Variants in CFAP46 observed in about 807,000 individuals in gnomAD.
CFAP46 encodes cilia- and flagella-associated protein 46.
CFAP46 carries 245 observed loss-of-function variants against 325.7 expected under a neutral mutation model. The ratio of observed to expected loss-of-function variants is 0.75; its 90% CI spans 0.68 to 0.84. The LOEUF (loss-of-function observed/expected upper bound fraction) is 0.84, where lower values mean the gene tolerates loss of function less well. Ranked by LOEUF, CFAP46 falls within the 40% of genes least tolerant of loss-of-function variation. The pLI is 0.00. For synonymous variants in CFAP46, 1,523 were observed against 1,495.9 expected (o/e 1.02, Z -0.42); for missense variants, 3,346 against 3,543.0 (o/e 0.94, Z 1.41).
At chr10:132,892,593 T>G (rs1564792335) in intron 24 of CFAP46, among the ~76,000 whole-genome samples, 176 bp from the exon 25 acceptor site, 2 of 152,224 alleles carry the variant, frequency 1.3e-5, no homozygotes, top group Admixed American at 6.5e-5. Flanking sequence ...TGCCAAATTC[T>G]AAAGCTTAAC....
rs771369070 is a variant in CFAP46, at chr10:132,833,419, G to A, written c.7056C>T (p.Ser2352=). The A allele has an allele frequency of 1.1e-5, 18 of 1,614,160 alleles. No individual in the cohort carries two copies. In the South Asian group the frequency reaches 2.0e-4, roughly 18 times the overall value. The change falls in exon 50 of 58, where the codon TCC becomes TCT. Residue 2352 remains serine (S), a synonymous_variant. Coordinates refer to ENST00000368586, the MANE Select transcript of CFAP46 (RefSeq NM_001200049.3). ...GLSVFDEGTI[S]SVSREFSLQM... ...GAAGAGAAAATTCTCGTGACACAGA[G>A]GAAATTGTCCCTTCATCGAACACAG...
rs1848175292 is a variant in CFAP46, at chr10:132,832,913, A to G, written c.7117+445T>C. 1 of 448,520 alleles carries G rather than the reference A, an allele frequency of 2.2e-6. No individual in the cohort carries two copies. The highest frequency in any genetic ancestry group is 3.3e-4 in the Middle Eastern group (1 of 3,000). The allele number at this position is 448,520 out of a possible 1,614,324, so 27.8% of individuals were successfully genotyped here. ...TTAAGTTTGTCTTCCCTGTGTGTTT[A>G]GCACCAGGATACTGGCACATAGCAG... On this transcript the variant is annotated intron_variant, in intron 50 of 57. Coordinates refer to ENST00000368586, the MANE Select transcript of CFAP46 (RefSeq NM_001200049.3). This position sits in a 1 kb window ranked among gnomAD's most constrained non-coding sequence, Gnocchi z 4.1.
intron 39 of CFAP46, among the ~76,000 whole-genome samples, chr10:132,855,695 AT>A (rs572978087): frequency 2.6e-5 from 4 of 152,156 alleles, no homozygotes; most frequent in Admixed American, 2.6e-4. Flanking sequence ...GTATTCTGGT[AT>A]TTCTGTGGCT....
At chr10:132,856,914 G>A (rs1215794728) in intron 39 of CFAP46, among the ~76,000 whole-genome samples, 1 of 152,216 alleles carries the variant, frequency 6.6e-6, no homozygotes, top group Non-Finnish European at 1.5e-5. Context: ...TTCCGGGACA[G>A]TTATCTTCTC....
In CFAP46 at chr10:132,851,304, A is replaced by C. The variant is rs763899272; in HGVS notation, c.5576T>G (p.Leu1859Trp). ...SVQGLLSLQDLQNVNTPLMRK... is the reference protein window; with the variant it reads ...SVQGLLSLQDWQNVNTPLMRK... Reference sequence around the variant, plus strand: ...CATCAGGGGCGTGTTGACGTTCTGCAACTGAGGGGGTCAGGCATGCCTCTG... The same window carrying C: ...CATCAGGGGCGTGTTGACGTTCTGCCACTGAGGGGGTCAGGCATGCCTCTG... Residue 1859 changes from leucine to tryptophan, a missense_variant and splice_region_variant, in exon 40 of 58, where the codon TTG (leucine) becomes TGG (tryptophan). Leu to Trp is a moderately conservative substitution (Grantham distance 61). Transcript: ENST00000368586. The C allele has an allele frequency of 5.0e-6, 8 of 1,613,176 alleles. No homozygotes were observed. Among genetic ancestry groups the C allele is most frequent in the Non-Finnish European group, 6.8e-6 (8 of 1,179,642 alleles).
Position 132,846,362 on chromosome 10 carries a change from T to C in CFAP46, c.6268-135A>G, listed in dbSNP as rs1417988182. On this transcript the variant is annotated intron_variant, in intron 43 of 57. Coordinates refer to ENST00000368586, the MANE Select transcript of CFAP46 (RefSeq NM_001200049.3). ...CTCTCCTGGCAAGGCTCCCCTGGGA[T>C]GCTGGCTCCTCCTGGCACCTGCAGA... The C allele has an allele frequency of 4.5e-6, 5 of 1,102,890 alleles. No individual in the cohort carries two copies. The Admixed American group carries it at 1.1e-4, about 24-fold the overall frequency. 68.3% of individuals were successfully genotyped at this position (1,102,890 alleles called of 1,614,324 possible).
intron 22 of CFAP46, among the ~76,000 whole-genome samples, chr10:132,907,221 AG>A: frequency 6.6e-6 from 1 of 152,404 alleles, no homozygotes; most frequent in Non-Finnish European, 1.5e-5. Context: ...TTCATCTTCC[AG>A]GATTATTAGA....
intron 19 of CFAP46, among the ~76,000 whole-genome samples, chr10:132,910,979 C>T (rs529121658): frequency 4.5e-4 from 68 of 152,238 alleles, no homozygotes; most frequent in Non-Finnish European, 7.8e-4. Flanking sequence ...TCCGTGTTCC[C>T]GGGCTGCCAA....
intron 21 of CFAP46, 68 bp downstream of exon 21, chr10:132,909,069 C>G: frequency 8.4e-7 from 1 of 1,193,638 alleles, no homozygotes; most frequent in Non-Finnish European, 1.2e-6. Context: ...TTCCAGCCAC[C>G]TAGGGCAAGA....
At chr10:132,932,692 G>A (rs753249389) in intron 8 of CFAP46, among the ~76,000 whole-genome samples, 3 of 143,074 alleles carry the variant, frequency 2.1e-5, no homozygotes, top group Non-Finnish European at 4.6e-5. Context: ...GCCGCCAACC[G>A]CACCTGCAGT....
At chr10:132,816,393 G>A (rs1432573869) in intron 50 of CFAP46, among the ~76,000 whole-genome samples, 11 of 147,696 alleles carry the variant, frequency 7.4e-5, no homozygotes, top group East Asian at 2.0e-4. Flanking sequence ...GTGCAGTGGC[G>A]CGATCTCGGC....
chr10:132,929,529 C>A (rs973792421), intron 9 of CFAP46, 176 bp downstream of exon 9: 1 of 788,872 alleles, frequency 1.3e-6, no homozygotes, highest in Non-Finnish European at 2.4e-6. Context: ...AAATTGCAAA[C>A]ACCATCTAAC....
chr10:132,900,468 T>A (rs906167996), intron 22 of CFAP46, among the ~76,000 whole-genome samples: 2 of 152,228 alleles, frequency 1.3e-5, no homozygotes, highest in East Asian at 3.9e-4. Flanking sequence ...CCAGATTTAT[T>A]CTATGAGAAA....
At chr10:132,909,645 C>T (rs538777468) in intron 20 of CFAP46, among the ~76,000 whole-genome samples, 1 of 152,322 alleles carries the variant, frequency 6.6e-6, no homozygotes, top group South Asian at 2.1e-4. Flanking sequence ...GCTCATGGGG[C>T]CGGCCCTGGG....
chr10:132,937,460 C>G, intron 6 of CFAP46, 92 bp downstream of exon 6: 1 of 1,508,224 alleles, frequency 6.6e-7, no homozygotes, highest in Non-Finnish European at 9.1e-7. Context: ...TTATATCTCT[C>G]AGCAAACTTA....
Position 132,916,578 on chromosome 10 carries a change from CG to C in CFAP46, c.2090del (p.Pro697ArgfsTer3). Reference sequence around the variant, plus strand: ...ATGTGATCCACTCAGCATTCACCTCCGGGGGCTCAGGCACGTAGCCAGCTGG... The same window carrying C: ...ATGTGATCCACTCAGCATTCACCTCCGGGGCTCAGGCACGTAGCCAGCTGG... ...QHPAGYVPEPPEVNAEWITYR... is the reference protein window; with the variant it reads ...QHPAGYVPEPXEVNAEWITYR... On this transcript the variant is annotated frameshift_variant, in exon 17 of 58. Transcript: ENST00000368586. LOFTEE classifies it high-confidence loss of function. 6.5e-7 allele frequency: 1 copy of C among 1,547,886 alleles called. No homozygotes were observed. The highest frequency in any genetic ancestry group is 8.7e-7 in the Non-Finnish European group (1 of 1,145,730).
intron 50 of CFAP46, among the ~76,000 whole-genome samples, chr10:132,822,562 A>ATGTGTGCTGTG (rs1847887222): frequency 1.2e-5 from 1 of 80,080 alleles, no homozygotes; most frequent in Non-Finnish European, 2.3e-5. Context: ...GTGTGCGCTG[A>ATGTGTGCTGTG]TGTGTGCTGT....
At chr10:132,937,225 G>A in intron 6 of CFAP46, 170 bp from the exon 7 acceptor site, 5 of 526,332 alleles carry the variant, frequency 9.5e-6, no homozygotes, top group Non-Finnish European at 1.3e-5. Flanking sequence ...AATGCTTTTG[G>A]TACATATTCT....
At chr10:132,852,121 T>G (rs77764741) in intron 39 of CFAP46, among the ~76,000 whole-genome samples, 25 of 135,158 alleles carry the variant, frequency 1.8e-4, no homozygotes, top group Non-Finnish European at 3.2e-4. Flanking sequence ...CTCCATTTAC[T>G]TAGGAATTCT....
Sources: gnomAD v4.1 joint callset for allele counts (sites outside exome capture counted in the v4.1 genomes callset) on GRCh38, gnomAD v4.1.1 for gene constraint, Gnocchi (gnomAD v3.1) non-coding constraint, MANE v1.5 for transcripts, NCBI Gene and HGNC (gene_info 2026-07-23, HGNC 2026-07-21) for gene names.